GPC6: variants seen among roughly 807,000 people sequenced by gnomAD.
GPC6 encodes the protein glypican 6.
Under a neutral mutation model 55.2 loss-of-function variants are expected in GPC6, and 14 were observed. That is an observed-to-expected ratio of 0.25 (90% CI 0.17 to 0.40). The LOEUF (loss-of-function observed/expected upper bound fraction) is 0.40. Ranked by LOEUF, GPC6 falls within the 10% of genes least tolerant of loss-of-function variation. GPC6 has a pLI of 1.00. For missense variants in GPC6, 641 were observed against 708.5 expected, an observed-to-expected ratio of 0.90 and a Z score of 1.08; for synonymous variants, 278 against 259.6, an observed-to-expected ratio of 1.07 and a Z score of -0.68.
intron 1 of GPC6, among the ~76,000 whole-genome samples, chr13:93,451,948 G>T (rs1232834746): frequency 6.6e-6 from 1 of 152,056 alleles, no homozygotes; most frequent in Non-Finnish European, 1.5e-5. Flanking sequence ...AAAAAATTGA[G>T]ATGCCATCTT....
chr13:94,099,118 A>G (rs9524331), intron 4 of GPC6, among the ~76,000 whole-genome samples: 29,799 of 152,042 alleles, frequency 0.2, 3,638 homozygotes, highest in Non-Finnish European at 0.28. Flanking sequence ...ATTCTGTGTC[A>G]TTCTGACCCA....
At chr13:93,839,674 T>C (rs1248521253) in intron 3 of GPC6, among the ~76,000 whole-genome samples, 1 of 152,028 alleles carries the variant, frequency 6.6e-6, no homozygotes, top group Non-Finnish European at 1.5e-5. Context: ...ACTTGAAAGT[T>C]TGGAGGATTT....
At chr13:93,432,283 T>C (rs1877390040) in intron 1 of GPC6, among the ~76,000 whole-genome samples, 1 of 152,084 alleles carries the variant, frequency 6.6e-6, no homozygotes, top group South Asian at 2.1e-4. Flanking sequence ...GATGAACAGA[T>C]CCATGTATGA....
At chr13:93,491,990 A>T (rs1196077132) in intron 1 of GPC6, among the ~76,000 whole-genome samples, 1 of 134,170 alleles carries the variant, frequency 7.5e-6, no homozygotes, top group Non-Finnish European at 1.6e-5. Flanking sequence ...CTTAGGATTG[A>T]CTTGGCGATG....
chr13:93,476,257 GC>G, intron 1 of GPC6, among the ~76,000 whole-genome samples: 1 of 152,112 alleles, frequency 6.6e-6, no homozygotes, highest in African/African-American at 2.4e-5. Context: ...AGTATGACTT[GC>G]TATTCCTATT....
At chr13:93,946,079 T>C (rs547187263) in intron 3 of GPC6, among the ~76,000 whole-genome samples, 3 of 152,248 alleles carry the variant, frequency 2.0e-5, no homozygotes, top group African/African-American at 7.2e-5. Context: ...TGAAGTCTTG[T>C]AGCATTTGCC....
intron 1 of GPC6, among the ~76,000 whole-genome samples, chr13:93,311,721 A>G (rs367552791): frequency 4.6e-5 from 7 of 152,152 alleles, no homozygotes; most frequent in Admixed American, 4.6e-4. Context: ...CTTGACCCCT[A>G]TGCAGTGCCA....
chr13:93,740,090 C>G (rs997399671), intron 2 of GPC6, among the ~76,000 whole-genome samples: 2 of 152,076 alleles, frequency 1.3e-5, no homozygotes, highest in Admixed American at 1.3e-4. Flanking sequence ...TACAAATGAT[C>G]TAAGTCATTG....
intron 1 of GPC6, among the ~76,000 whole-genome samples, chr13:93,488,941 G>A (rs1879842247): frequency 6.6e-6 from 1 of 152,014 alleles, no homozygotes; most frequent in South Asian, 2.1e-4. Context: ...GCTGATGGTA[G>A]TTTCTTTTGC....
intron 1 of GPC6, among the ~76,000 whole-genome samples, chr13:93,495,878 C>A (rs902062283): frequency 1.4e-5 from 2 of 146,666 alleles, no homozygotes; most frequent in Non-Finnish European, 3.0e-5. Flanking sequence ...GCAGTCTGCC[C>A]GTTCTCAGAT....
intron 2 of GPC6, among the ~76,000 whole-genome samples, chr13:93,571,099 T>C (rs1305048804): frequency 6.6e-6 from 1 of 152,086 alleles, no homozygotes; most frequent in Non-Finnish European, 1.5e-5. Context: ...AGTCCTGGAA[T>C]ATTGTTCTAA....
chr13:93,713,615 T>G (rs990945545), intron 2 of GPC6, among the ~76,000 whole-genome samples: 1 of 151,622 alleles, frequency 6.6e-6, no homozygotes, highest in Non-Finnish European at 1.5e-5. Context: ...AGTACATACT[T>G]TATGATTTTA....
intron 1 of GPC6, among the ~76,000 whole-genome samples, chr13:93,473,843 C>T (rs189083988): frequency 7.8e-4 from 119 of 152,258 alleles, no homozygotes; most frequent in African/African-American, 2.7e-3. Context: ...GAATCCCAAG[C>T]CATGGATTTT....
chr13:93,751,635 C>T (rs1884596153), intron 2 of GPC6, among the ~76,000 whole-genome samples: 3 of 152,070 alleles, frequency 2.0e-5, no homozygotes, highest in Non-Finnish European at 4.4e-5. Context: ...GATCGTCCCT[C>T]CTCTGCCTCC....
chr13:93,543,500 G>C (rs9524120), intron 1 of GPC6, among the ~76,000 whole-genome samples: 17,761 of 151,246 alleles, frequency 0.12, 1,265 homozygotes, highest in East Asian at 0.29. Flanking sequence ...TTGGTTGTGT[G>C]TCTGCCCGGC....
chr13:94,184,086 G>A (rs1489482114), intron 4 of GPC6, among the ~76,000 whole-genome samples: 1 of 152,044 alleles, frequency 6.6e-6, no homozygotes, highest in African/African-American at 2.4e-5. Context: ...GCATATGGCT[G>A]GCCAACAACC....
At chr13:94,338,736 T>C (rs1340456022) in intron 6 of GPC6, among the ~76,000 whole-genome samples, 1 of 152,182 alleles carries the variant, frequency 6.6e-6, no homozygotes, top group Non-Finnish European at 1.5e-5. Context: ...AGAAGAAATT[T>C]CATGAATTTT....
chr13:94,049,248 C>CA (rs776241623), intron 4 of GPC6, among the ~76,000 whole-genome samples: 81,649 of 138,154 alleles, frequency 0.59, 25,180 homozygotes, highest in Middle Eastern at 0.72. Context: ...GATCTTATCT[C>CA]AAAAAAAAAA....
chr13:94,131,406 A>C (rs1373239566), intron 4 of GPC6, among the ~76,000 whole-genome samples: 1 of 152,198 alleles, frequency 6.6e-6, no homozygotes, highest in Admixed American at 6.5e-5. Context: ...ATTGGTAAAA[A>C]TACAAATAAC....
Sources: allele counts gnomAD v4.1 joint callset (sites outside exome capture counted in the v4.1 genomes callset), GRCh38; gene constraint gnomAD v4.1.1; transcripts MANE v1.5; gene names NCBI Gene and HGNC (gene_info 2026-07-23, HGNC 2026-07-21).